The following TUSC3 variants were observed in gnomAD, a reference collection of about 807,000 sequenced individuals.
The protein encoded by TUSC3 is dolichyl-diphosphooligosaccharide--protein glycosyltransferase subunit TUSC3.
Under a neutral mutation model 44.8 loss-of-function variants are expected in TUSC3, and 45 were observed. The ratio of observed to expected loss-of-function variants is 1.00; its 90% confidence interval spans 0.79 to 1.29. The LOEUF is 1.29. Among genes scored for constraint, TUSC3 ranks in the 50% most tolerant of loss-of-function variants. The probability of loss-of-function intolerance (pLI) is 0.00; values close to 1 mark genes in which losing one functional copy is unlikely to be tolerated. For missense variants in TUSC3, 519 were observed against 437.9 expected (o/e 1.19, Z -1.65); for synonymous variants, 212 against 152.9 (o/e 1.39, Z -2.85).
At chr8:15,672,019 AC>A (rs1317121900) in intron 5 of TUSC3, among the ~76,000 whole-genome samples, 1 of 152,022 alleles carries the variant, frequency 6.6e-6, no homozygotes, top group African/African-American at 2.4e-5. Flanking sequence ...TCCATGGAGA[AC>A]CATTTATGGG....
intron 1 of TUSC3, among the ~76,000 whole-genome samples, chr8:15,618,996 G>A (rs1805121126): frequency 1.3e-5 from 2 of 152,190 alleles, no homozygotes; most frequent in Non-Finnish European, 2.9e-5. Flanking sequence ...GGCAAATGCA[G>A]TCATGGCTCT....
In TUSC3 at chr8:15,540,557, A is replaced by G; in HGVS notation, c.127A>G (p.Lys43Glu). ...LLCIQLGGGQKKKENLLAEKV... is the reference protein window; with the variant it reads ...LLCIQLGGGQEKKENLLAEKV... ...CTGCATCCAGCTCGGGGGAGGACAG[A>G]AGAAAAAGGAGGTAGAATGGATCCC... The change falls in exon 1 of 11, where the codon AAG (lysine) becomes GAG (glutamate). Residue 43 changes from lysine (K) to glutamate (E), a missense_variant. Coordinates refer to ENST00000503731, the MANE Select transcript of TUSC3 (RefSeq NM_006765.4). The G allele has an allele frequency of 6.3e-7, 1 of 1,589,766 alleles. No homozygotes were observed.
chr8:15,528,975 A>G (rs1047297343), intron 2 of TUSC3, among the ~76,000 whole-genome samples: 1 of 152,174 alleles, frequency 6.6e-6, no homozygotes, highest in Non-Finnish European at 1.5e-5. Context: ...ACCGCAGTTA[A>G]TAACCAATGA....
At chr8:15,536,151 A>C (rs1009319516), upstream of TUSC3, among the ~76,000 whole-genome samples, 2 of 152,206 alleles carry the variant, frequency 1.3e-5, no homozygotes, top group Admixed American at 6.5e-5. Flanking sequence ...ACAGCAGTAC[A>C]AAGTGTAGAG....
the TUSC3 span, among the ~76,000 whole-genome samples, chr8:15,831,759 G>C: frequency 6.6e-6 from 1 of 151,988 alleles, no homozygotes; most frequent in Admixed American, 6.6e-5. Flanking sequence ...GAATGAAAAG[G>C]GACAAACAAA....
intron 2 of TUSC3, among the ~76,000 whole-genome samples, chr8:15,504,013 CAAAAAAAAA>C (rs11330340): frequency 4.4e-5 from 5 of 113,126 alleles, no homozygotes; most frequent in Middle Eastern, 4.9e-3. Flanking sequence ...GACTCTGTCT[CAAAAAAAAA>C]AAAAAAAAAA....
intron 2 of TUSC3, among the ~76,000 whole-genome samples, chr8:15,496,479 T>G (rs1800881732): frequency 6.6e-6 from 1 of 152,222 alleles, no homozygotes. Flanking sequence ...GCCATCTTGA[T>G]CAAACACCCT....
chr8:15,467,544 T>C (rs183093666), intron 1 of TUSC3, among the ~76,000 whole-genome samples: 1 of 152,280 alleles, frequency 6.6e-6, no homozygotes, highest in Admixed American at 6.5e-5. Flanking sequence ...GAACTGCCAG[T>C]TTCATTGGGA....
chr8:15,487,886 T>C (rs17577013), intron 2 of TUSC3, among the ~76,000 whole-genome samples: 27,148 of 148,830 alleles, frequency 0.18, 2,826 homozygotes, highest in Admixed American at 0.3. Context: ...ATTACTAGAA[T>C]AGTGTGCTGG....
chr8:15,761,307 G>A (rs562984064), intron 10 of TUSC3, among the ~76,000 whole-genome samples: 2 of 152,268 alleles, frequency 1.3e-5, no homozygotes, highest in Non-Finnish European at 2.9e-5. Context: ...GAGAGAAACG[G>A]TTTGAAGTTT....
intron 2 of TUSC3, among the ~76,000 whole-genome samples, chr8:15,628,501 A>G (rs1805615950): frequency 6.6e-6 from 1 of 152,180 alleles, no homozygotes; most frequent in Non-Finnish European, 1.5e-5. Context: ...TGGATTTATA[A>G]GAGAAAGAGA....
At chr8:15,612,197 C>T (rs1804793197) in intron 1 of TUSC3, among the ~76,000 whole-genome samples, 1 of 152,034 alleles carries the variant, frequency 6.6e-6, no homozygotes, top group African/African-American at 2.4e-5. Flanking sequence ...ATAGCAGGTA[C>T]CTGAATAAGT....
At chr8:15,847,994 C>G in the TUSC3 span, among the ~76,000 whole-genome samples, 2 of 152,294 alleles carry the variant, frequency 1.3e-5, no homozygotes, top group South Asian at 4.1e-4. Flanking sequence ...GCCTAGGACA[C>G]AGTGGACATG....
At chr8:15,688,430 C>T (rs370391199) in intron 6 of TUSC3, among the ~76,000 whole-genome samples, 67 of 141,240 alleles carry the variant, frequency 4.7e-4, no homozygotes, top group Middle Eastern at 3.8e-3. Context: ...CTTCAGTATT[C>T]TTTTTTTTTT....
intron 8 of TUSC3, among the ~76,000 whole-genome samples, chr8:15,745,075 G>C (rs1176858637): frequency 6.6e-6 from 1 of 151,832 alleles, no homozygotes; most frequent in Non-Finnish European, 1.5e-5. Flanking sequence ...ATTCACTTAG[G>C]ATAATGGCCT....
intron 3 of TUSC3, among the ~76,000 whole-genome samples, chr8:15,659,003 AT>A (rs1807299774): frequency 6.6e-6 from 1 of 152,156 alleles, no homozygotes; most frequent in Non-Finnish European, 1.5e-5. Context: ...CATAGTCTTC[AT>A]CATTACAAAA....
chr8:15,589,827 C>T (rs1328068958), intron 1 of TUSC3, among the ~76,000 whole-genome samples: 1 of 152,106 alleles, frequency 6.6e-6, no homozygotes, highest in Non-Finnish European at 1.5e-5. Flanking sequence ...TGAGCCAAGC[C>T]ATGAACAAAA....
downstream of TUSC3, among the ~76,000 whole-genome samples, chr8:15,771,431 C>G (rs535246254): frequency 6.6e-6 from 1 of 152,068 alleles, no homozygotes. Flanking sequence ...GAAAGGACAA[C>G]TGAGAGTCAT....
intron 2 of TUSC3, among the ~76,000 whole-genome samples, chr8:15,530,488 C>G (rs1291047273): frequency 6.6e-6 from 1 of 152,124 alleles, no homozygotes; most frequent in Non-Finnish European, 1.5e-5. Flanking sequence ...TTATTATCCT[C>G]ATTTTACAAA....
Sources: allele counts gnomAD v4.1 joint callset (sites outside exome capture counted in the v4.1 genomes callset), GRCh38; gene constraint gnomAD v4.1.1; transcripts MANE v1.5; gene names NCBI Gene and HGNC (gene_info 2026-07-23, HGNC 2026-07-21).